E2F3: variants seen among roughly 807,000 people sequenced by gnomAD.
The protein encoded by E2F3 is E2F transcription factor 3.
Under a neutral mutation model 44.4 loss-of-function variants are expected in E2F3, and 11 were observed. The ratio of observed to expected loss-of-function variants is 0.25; its 90% CI spans 0.16 to 0.41. E2F3 has a LOEUF of 0.41. Among genes scored for constraint, E2F3 ranks in the 10% least tolerant of loss-of-function variants. The probability of loss-of-function intolerance (pLI) is 1.00; values close to 1 mark genes in which losing one functional copy is unlikely to be tolerated. For missense variants in E2F3, 487 were observed against 583.6 expected (o/e 0.83, Z 1.70); for synonymous variants, 249 against 253.0 (o/e 0.98, Z 0.15).
chr6:20,409,038 A>G (rs774807221), intron 1 of E2F3, among the ~76,000 whole-genome samples: 5 of 152,242 alleles, frequency 3.3e-5, no homozygotes, highest in Non-Finnish European at 7.3e-5. Context: ...TACTTGCCCA[A>G]GGTCACAGGT....
At chr6:20,452,716 G>A in intron 1 of E2F3, among the ~76,000 whole-genome samples, 1 of 152,132 alleles carries the variant, frequency 6.6e-6, no homozygotes, top group East Asian at 1.9e-4. Context: ...TTGGGAGGCT[G>A]AGGAGGGTGG....
chr6:20,468,192 G>T (rs998949676), intron 1 of E2F3, among the ~76,000 whole-genome samples: 47 of 152,304 alleles, frequency 3.1e-4, no homozygotes, highest in African/African-American at 1.1e-3. Flanking sequence ...TCTACCCAGA[G>T]AAGTGTCACA....
At chr6:20,474,097 G>GTT (rs11420210) in intron 1 of E2F3, among the ~76,000 whole-genome samples, 2,141 of 151,508 alleles carry the variant, frequency 0.014, 24 homozygotes, top group Middle Eastern at 0.037. Context: ...GGGTTTTGTG[G>GTT]TTTTTTTTCG....
chr6:20,424,455 T>C (rs1341908225), intron 1 of E2F3, among the ~76,000 whole-genome samples: 1 of 152,122 alleles, frequency 6.6e-6, no homozygotes, highest in Non-Finnish European at 1.5e-5. Context: ...TGTGTCTGTG[T>C]TGTTCTGTCT....
Position 20,479,907 on chromosome 6 carries a change from C to T in E2F3, c.455C>T (p.Thr152Ile). 1 of 1,612,820 alleles carries T rather than the reference C, an allele frequency of 6.2e-7. No homozygotes were observed. The highest frequency in any genetic ancestry group is 8.5e-7 in the Non-Finnish European group (1 of 1,179,476). The change falls in exon 2 of 7, where the codon ACC (threonine) becomes ATC (isoleucine). Residue 152 changes from threonine to isoleucine, a missense_variant. This residue lies in a region of E2F3 where 238 missense variants were observed against 236.0 expected (regional missense o/e 1.01). Coordinates refer to ENST00000346618, the MANE Select transcript of E2F3 (RefSeq NM_001949.5). Reference protein sequence around the residue: ...GHQYLSDGLKTPKGKGRAALR... With the variant: ...GHQYLSDGLKIPKGKGRAALR... ...CAGTACCTCTCAGATGGTTTAAAAA[C>T]CCCCAAGGGCAAAGGAAGAGCTGCA... is the stretch of plus-strand genomic sequence containing the variant.
At chr6:20,432,794 A>G (rs1323241521) in intron 1 of E2F3, among the ~76,000 whole-genome samples, 1 of 152,114 alleles carries the variant, frequency 6.6e-6, no homozygotes, top group Non-Finnish European at 1.5e-5. Flanking sequence ...AGGGTGTGGT[A>G]TGGCCAGGGT....
rs543226128 is a variant in E2F3 at position 20,493,553 on chromosome 6, T to G, written c.*3123T>G. ...AGTTTAAAAAAGAAAATATGTAATA[T>G]AATGTAAAAAAAAACAAAAAAAAGC... On this transcript the variant is annotated 3_prime_UTR_variant, in exon 7 of 7. Coordinates refer to ENST00000346618, the MANE Select transcript of E2F3 (RefSeq NM_001949.5). The G allele has an allele frequency of 4.8e-6, 1 of 209,732 alleles. No homozygotes were observed. Among genetic ancestry groups the G allele is most frequent in the South Asian group, 2.0e-4 (1 of 5,068 alleles). The allele number at this position is 209,732 out of a possible 1,614,324, so 13.0% of individuals were successfully genotyped here. A position where few individuals can be genotyped will look rare whatever the true frequency, so the allele number is the denominator to read the frequency against.
chr6:20,437,880 G>A (rs564000564), intron 1 of E2F3: 39 of 152,232 alleles, frequency 2.6e-4, no homozygotes, highest in African/African-American at 8.2e-4. Flanking sequence ...AGCAGCCTTC[G>A]TGGCTACCAC....
At position 20,493,661 on chromosome 6, in the gene E2F3, T is replaced by C. The variant is rs1762612853; in HGVS notation, c.*3231T>C. 5.0e-6 allele frequency: 1 copy of C among 201,302 alleles called. No homozygotes were observed. Among genetic ancestry groups the C allele is most frequent in the Admixed American group, 6.0e-5 (1 of 16,644 alleles). The allele number at this position is 201,302 out of a possible 1,614,324, so 12.5% of individuals were successfully genotyped here. A position where few individuals can be genotyped will look rare whatever the true frequency, so the allele number is the denominator to read the frequency against. On this transcript the variant is annotated 3_prime_UTR_variant, in exon 7 of 7. Transcript: ENST00000346618. ...ATCTTACCACTTCAAATGGGTGTAA[T>C]TTGAATAAATTTTGTATGGTAAAGG... is the stretch of plus-strand genomic sequence containing the variant.
At chr6:20,488,981 G>A (rs947690442) in intron 6 of E2F3, among the ~76,000 whole-genome samples, 2 of 151,956 alleles carry the variant, frequency 1.3e-5, no homozygotes, top group Non-Finnish European at 1.5e-5. Flanking sequence ...GACAGAGTGA[G>A]ACTCCATCTC....
intron 1 of E2F3, among the ~76,000 whole-genome samples, chr6:20,444,301 T>C (rs531774474): frequency 2.0e-5 from 3 of 152,356 alleles, no homozygotes; most frequent in Non-Finnish European, 4.4e-5. Context: ...CTATTTATTA[T>C]ATGTTATGGT....
intron 1 of E2F3, among the ~76,000 whole-genome samples, chr6:20,471,369 G>A (rs1488770720): frequency 6.6e-6 from 1 of 152,190 alleles, no homozygotes. Context: ...CATCACCTGA[G>A]GTCAGGAGTT....
intron 1 of E2F3, among the ~76,000 whole-genome samples, chr6:20,419,554 T>TTTACTTAC (rs35232215): frequency 1.4e-5 from 2 of 137,944 alleles, no homozygotes; most frequent in East Asian, 1.9e-4. Context: ...TATTTATTTA[T>TTTACTTAC]TTACTTACTT....
Position 20,402,040 on chromosome 6 carries a change from A to C in E2F3, c.-193A>C. ...GCGGCCGGGACCCTCCTCTCTCCAG[A>C]GCCCCGATTATTTTTGGCCCCCGGG... On this transcript the variant is annotated 5_prime_UTR_variant, in exon 1 of 7. Transcript: ENST00000346618. This position sits in a 1 kb window ranked among gnomAD's most constrained non-coding sequence, Gnocchi z 5.6. 4.1e-6 allele frequency: 4 copies of C among 979,612 alleles called. No individual in the cohort carries two copies. Among genetic ancestry groups the C allele is most frequent in the Non-Finnish European group, 5.6e-6 (4 of 717,214 alleles). The allele number at this position is 979,612 out of a possible 1,614,324, so 60.7% of individuals were successfully genotyped here.
At chr6:20,424,210 G>GGTATGTGTGTGTGTGTGTGTGT (rs58738322) in intron 1 of E2F3, among the ~76,000 whole-genome samples, 3 of 136,920 alleles carry the variant, frequency 2.2e-5, no homozygotes, top group African/African-American at 5.5e-5. Flanking sequence ...TCAGTGGAAG[G>GGTATGTGTGTGTGTGTGTGTGT]GTGTGTGTGT....
At chr6:20,418,757 A>T (rs1759930817) in intron 1 of E2F3, among the ~76,000 whole-genome samples, 1 of 152,082 alleles carries the variant, frequency 6.6e-6, no homozygotes, top group Non-Finnish European at 1.5e-5. Context: ...CTAGCCACTT[A>T]TGGAGCATAT....
intron 1 of E2F3, among the ~76,000 whole-genome samples, chr6:20,462,605 C>T (rs925208867): frequency 2.6e-5 from 4 of 151,702 alleles, no homozygotes; most frequent in Admixed American, 2.6e-4. Context: ...TTACAGGTGT[C>T]CGCCCTCTTA....
Position 20,481,518 on chromosome 6 carries a change from C to T in E2F3, c.725+93C>T, listed in dbSNP as rs542718331. On this transcript the variant is annotated intron_variant, in intron 3 of 6. Transcript: ENST00000346618. ...CCTCACTTTCACATCCACGCCCACA[C>T]GTTCTTTTCTTTTCTCTCCTACTGT... 3.7e-5 allele frequency: 41 copies of T among 1,107,532 alleles called. 1 individual carries two copies. In the Admixed American group the frequency reaches 5.4e-4, roughly 15 times the overall value. The allele number at this position is 1,107,532 out of a possible 1,614,324, so 68.6% of individuals were successfully genotyped here.
rs1762583975 is a variant in E2F3 at position 20,492,593 on chromosome 6, C to T, written c.*2163C>T. Reference sequence around the variant, plus strand: ...TGTGTAATTCTCTTTGCCAGCTGCACAAAGCTGATTTTTTCCAAAGTCTAA... The same window carrying T: ...TGTGTAATTCTCTTTGCCAGCTGCATAAAGCTGATTTTTTCCAAAGTCTAA... On this transcript the variant is annotated 3_prime_UTR_variant, in exon 7 of 7. Transcript: ENST00000346618. 4.3e-6 allele frequency: 1 copy of T among 232,502 alleles called. No individual in the cohort carries two copies. 14.4% of individuals were successfully genotyped at this position (232,502 alleles called of 1,614,324 possible).
Sources: allele counts gnomAD v4.1 joint callset (sites outside exome capture counted in the v4.1 genomes callset), GRCh38; gene constraint gnomAD v4.1.1; regional missense constraint gnomAD v4.1.1; non-coding constraint Gnocchi (gnomAD v3.1); transcripts MANE v1.5; gene names NCBI Gene and HGNC (gene_info 2026-07-23, HGNC 2026-07-21).